CMTM7: variants seen among roughly 807,000 people sequenced by gnomAD.
The protein encoded by CMTM7 is CKLF like MARVEL transmembrane domain containing 7.
CMTM7 carries 7 observed loss-of-function variants against 19.3 expected under a neutral mutation model. The ratio of observed to expected loss-of-function variants is 0.36; its 90% CI spans 0.21 to 0.68. The LOEUF (loss-of-function observed/expected upper bound fraction) is 0.68. Ranked by LOEUF, CMTM7 falls within the 30% of genes least tolerant of loss-of-function variation. The pLI, the probability that CMTM7 is intolerant of heterozygous loss-of-function variation, is 0.60. For synonymous variants in CMTM7, 87 were observed against 99.3 expected (o/e 0.88, Z 0.74); for missense variants, 193 against 232.6 (o/e 0.83, Z 1.11).
At chr3:32,432,848 A>G (rs1307994166) in intron 1 of CMTM7, among the ~76,000 whole-genome samples, 1 of 152,144 alleles carries the variant, frequency 6.6e-6, no homozygotes, top group Non-Finnish European at 1.5e-5. Flanking sequence ...TCAACCCTCA[A>G]TGCCCTGTGC....
intron 1 of CMTM7, among the ~76,000 whole-genome samples, chr3:32,401,193 A>G (rs1465077423): frequency 6.6e-6 from 1 of 152,260 alleles, no homozygotes; most frequent in Non-Finnish European, 1.5e-5. Flanking sequence ...TGGCCACAGT[A>G]TCTGCATATA....
intron 1 of CMTM7, among the ~76,000 whole-genome samples, chr3:32,434,798 T>G (rs1299206044): frequency 6.6e-6 from 1 of 152,102 alleles, no homozygotes; most frequent in Non-Finnish European, 1.5e-5. Context: ...TAAGTTAGTA[T>G]TTAGAATATA....
chr3:32,447,328 G>A (rs750780361), intron 2 of CMTM7, among the ~76,000 whole-genome samples: 24 of 152,182 alleles, frequency 1.6e-4, no homozygotes, highest in South Asian at 6.2e-4. Context: ...CTGATATATC[G>A]TCTATCCTGG....
intron 1 of CMTM7, among the ~76,000 whole-genome samples, chr3:32,423,703 A>G (rs558703585): frequency 6.6e-6 from 1 of 152,320 alleles, no homozygotes; most frequent in Non-Finnish European, 1.5e-5. Flanking sequence ...GCTATTCTCA[A>G]GGTTTGGCCA....
intron 1 of CMTM7, among the ~76,000 whole-genome samples, chr3:32,409,364 ACAT>A (rs554722365): frequency 5.3e-4 from 81 of 152,184 alleles, no homozygotes; most frequent in Non-Finnish European, 9.6e-4. Context: ...TGAGTTGCAG[ACAT>A]CATGCTCTTT....
At chr3:32,429,300 T>C (rs2125634139) in intron 1 of CMTM7, among the ~76,000 whole-genome samples, 1 of 151,512 alleles carries the variant, frequency 6.6e-6, no homozygotes, top group East Asian at 1.9e-4. Context: ...TAGTGTATTT[T>C]TTTTTTTTTT....
chr3:32,433,325 G>C (rs1005251801), intron 1 of CMTM7, among the ~76,000 whole-genome samples: 9 of 152,206 alleles, frequency 5.9e-5, no homozygotes, highest in Middle Eastern at 3.2e-3. Flanking sequence ...TGATGTGATT[G>C]TGGTACAGAC....
At chr3:32,403,644 G>T (rs985293546) in intron 1 of CMTM7, among the ~76,000 whole-genome samples, 4 of 152,164 alleles carry the variant, frequency 2.6e-5, no homozygotes, top group African/African-American at 2.4e-5. Context: ...TGGATTTGGG[G>T]CCAGGTGGTC....
At chr3:32,404,470 C>A (rs1021400510) in intron 1 of CMTM7, among the ~76,000 whole-genome samples, 1 of 152,178 alleles carries the variant, frequency 6.6e-6, no homozygotes, top group African/African-American at 2.4e-5. Context: ...CTGTTTAACT[C>A]TTCTAATGAC....
intron 1 of CMTM7, among the ~76,000 whole-genome samples, chr3:32,430,681 A>ATGTGTGTGTG (rs35054129): frequency 0.038 from 5,132 of 133,942 alleles, 166 homozygotes; most frequent in Admixed American, 0.086. Flanking sequence ...CTACATCTGA[A>ATGTGTGTGTG]TGTGTGTGTG....
intron 1 of CMTM7, among the ~76,000 whole-genome samples, chr3:32,414,889 C>A (rs1415465927): frequency 6.6e-6 from 1 of 152,102 alleles, no homozygotes; most frequent in Non-Finnish European, 1.5e-5. Context: ...AAAACAGGCC[C>A]TGGGAGGTTA....
chr3:32,452,485 T>C lies in CMTM7; in HGVS notation c.514+12T>C. On this transcript the variant is annotated intron_variant, in intron 4 of 4. Transcript: ENST00000334983. ...AACCCAGTCCACAGGTGAGTTCTGG[T>C]TATCTGTGCACAGAGGATCTCTCAG... The C allele has an allele frequency of 6.2e-7, 1 of 1,613,320 alleles. No homozygotes were observed. Among genetic ancestry groups the C allele is most frequent in the Non-Finnish European group, 8.5e-7 (1 of 1,179,320 alleles).
intron 1 of CMTM7, among the ~76,000 whole-genome samples, chr3:32,398,706 C>A (rs1382074665): frequency 6.6e-6 from 1 of 151,418 alleles, no homozygotes; most frequent in Non-Finnish European, 1.5e-5. Flanking sequence ...GAGCGTTGGC[C>A]GGCGCAGTGG....
chr3:32,416,250 G>A (rs373670621), intron 1 of CMTM7, among the ~76,000 whole-genome samples: 58 of 152,016 alleles, frequency 3.8e-4, no homozygotes, highest in African/African-American at 1.2e-3. Context: ...CCAGGCTGGA[G>A]TGCAATGGTG....
intron 1 of CMTM7, among the ~76,000 whole-genome samples, chr3:32,438,649 A>G (rs771048593): frequency 6.6e-6 from 1 of 152,230 alleles, no homozygotes; most frequent in Non-Finnish European, 1.5e-5. Context: ...AGAAAGTCAT[A>G]TGGTAGATGG....
chr3:32,434,342 G>C (rs1325336478), intron 1 of CMTM7, among the ~76,000 whole-genome samples: 4 of 152,120 alleles, frequency 2.6e-5, no homozygotes, highest in African/African-American at 9.7e-5. Flanking sequence ...CGTCACCCAG[G>C]CTGGAGTGCA....
chr3:32,445,012 T>TG (rs1367847521), intron 2 of CMTM7, among the ~76,000 whole-genome samples: 3 of 152,264 alleles, frequency 2.0e-5, no homozygotes, highest in Non-Finnish European at 4.4e-5. Context: ...GATTGTTCAT[T>TG]GCAAGTGCAT....
intron 1 of CMTM7, among the ~76,000 whole-genome samples, chr3:32,404,148 T>TTTC (rs1176956966): frequency 0.019 from 1,750 of 91,792 alleles, 140 homozygotes; most frequent in Non-Finnish European, 0.025. Flanking sequence ...CTTTCTTTTT[T>TTTC]TTTCTTTTTT....
intron 1 of CMTM7, among the ~76,000 whole-genome samples, chr3:32,416,063 A>G (rs935090607): frequency 3.9e-5 from 6 of 152,202 alleles, no homozygotes; most frequent in Non-Finnish European, 8.8e-5. Flanking sequence ...TCTGCTGCCC[A>G]CTACATGGGT....
Sources: allele counts gnomAD v4.1 joint callset (sites outside exome capture counted in the v4.1 genomes callset), GRCh38; gene constraint gnomAD v4.1.1; transcripts MANE v1.5; gene names NCBI Gene and HGNC (gene_info 2026-07-23, HGNC 2026-07-21).